FAXDC2: variants seen among roughly 807,000 people sequenced by gnomAD.
The protein encoded by FAXDC2 is fatty acid hydroxylase domain-containing protein 2.
Under a neutral mutation model 40.9 loss-of-function variants are expected in FAXDC2, and 41 were observed. The ratio of observed to expected loss-of-function variants is 1.00; its 90% CI spans 0.78 to 1.30. The LOEUF (loss-of-function observed/expected upper bound fraction) is 1.30. FAXDC2 is among the 50% of genes most tolerant of loss of function. FAXDC2 has a pLI of 0.00. For missense variants in FAXDC2, 390 were observed against 408.8 expected (o/e 0.95, Z 0.40); for synonymous variants, 157 against 149.3 (o/e 1.05, Z -0.38).
intron 5 of FAXDC2, among the ~76,000 whole-genome samples, chr5:154,825,988 C>T (rs151150276): frequency 1.2e-3 from 180 of 152,166 alleles, no homozygotes; most frequent in African/African-American, 4.3e-3. Flanking sequence ...TTAGTATCCA[C>T]GTGGAGATGT....
Position 154,820,522 on chromosome 5 carries a change from C to A in FAXDC2, c.846-50G>T, listed in dbSNP as rs367841364. Reference sequence around the variant, plus strand: ...AGTGCCCATGCTGGAGGCTTCCGTGCAGATCCCATTTCATTTGTGCCAGCC... The same window carrying A: ...AGTGCCCATGCTGGAGGCTTCCGTGAAGATCCCATTTCATTTGTGCCAGCC... On this transcript the variant is annotated intron_variant, in intron 8 of 8. Coordinates refer to ENST00000326080, the MANE Select transcript of FAXDC2 (RefSeq NM_032385.5). The A allele has an allele frequency of 2.8e-4, 410 of 1,490,838 alleles. 2 individuals are homozygous for A. The highest frequency in any genetic ancestry group is 3.3e-4 in the Non-Finnish European group (366 of 1,096,234). The allele number at this position is 1,490,838 out of a possible 1,614,324, so 92.4% of individuals were successfully genotyped here. A position where few individuals can be genotyped will look rare whatever the true frequency, so the allele number is the denominator to read the frequency against.
At chr5:154,845,204 G>A (rs1450162269) in intron 1 of FAXDC2, among the ~76,000 whole-genome samples, 1 of 152,136 alleles carries the variant, frequency 6.6e-6, no homozygotes, top group Non-Finnish European at 1.5e-5. Context: ...CTCTCTGCCC[G>A]CCTGCAGACA....
Position 154,822,543 on chromosome 5 carries a change from G to A in FAXDC2, c.607C>T (p.His203Tyr). The A allele has an allele frequency of 6.2e-7, 1 of 1,614,096 alleles. No individual in the cohort carries two copies. ...LHHPTFYKKI[H>Y]KKHHEWTAPI... is the part of the protein sequence containing the mutation. Reference sequence around the variant, plus strand: ...GCTGTCCACTCATGGTGTTTCTTGTGGATTTTCTTGTAGAATGTTGGGTGG... The same window carrying A: ...GCTGTCCACTCATGGTGTTTCTTGTAGATTTTCTTGTAGAATGTTGGGTGG... The change falls in exon 7 of 9, where the codon CAC becomes TAC. Residue 203 changes from histidine (H) to tyrosine (Y), a missense_variant. Transcript: ENST00000326080.
chr5:154,834,451 T>A (rs945578487), intron 4 of FAXDC2, among the ~76,000 whole-genome samples, 174 bp downstream of exon 4: 1 of 152,238 alleles, frequency 6.6e-6, no homozygotes, highest in African/African-American at 2.4e-5. Flanking sequence ...ACATCCTGTT[T>A]TCAGACTGCC....
chr5:154,848,738 G>A (rs572583834), intron 1 of FAXDC2, among the ~76,000 whole-genome samples: 1 of 152,302 alleles, frequency 6.6e-6, no homozygotes, highest in Non-Finnish European at 1.5e-5. Context: ...AGGCCGAGGT[G>A]GGCAGATCAC....
At chr5:154,844,204 T>C (rs1760543669) in intron 1 of FAXDC2, among the ~76,000 whole-genome samples, 1 of 148,154 alleles carries the variant, frequency 6.7e-6, no homozygotes, top group African/African-American at 2.5e-5. Context: ...GGCAACAGAG[T>C]GAGACTCTGT....
intron 5 of FAXDC2, chr5:154,824,425 G>T: frequency 1.4e-6 from 1 of 695,538 alleles, no homozygotes; most frequent in South Asian, 1.5e-5. Flanking sequence ...CCCAAAGCGC[G>T]ACAGGTTCAG....
intron 1 of FAXDC2, 198 bp from the exon 2 acceptor site, chr5:154,838,376 A>T (rs1210583803): frequency 6.4e-6 from 1 of 155,792 alleles, no homozygotes; most frequent in African/African-American, 2.4e-5. Flanking sequence ...AGCTAGAAAA[A>T]TGCCAGAAAA....
At chr5:154,827,662 A>G (rs1760076764) in intron 5 of FAXDC2, among the ~76,000 whole-genome samples, 1 of 151,850 alleles carries the variant, frequency 6.6e-6, no homozygotes. Flanking sequence ...CAGCCTCCCA[A>G]GTAGCTAGGA....
At chr5:154,823,648 C>G in intron 5 of FAXDC2, 56 bp from the exon 6 acceptor site, 3 of 1,433,504 alleles carry the variant, frequency 2.1e-6, no homozygotes, top group Non-Finnish European at 2.9e-6. Context: ...TAGGCTCCAC[C>G]GTGACCTGCT....
At chr5:154,826,453 C>T (rs181063038) in intron 5 of FAXDC2, among the ~76,000 whole-genome samples, 3 of 150,906 alleles carry the variant, frequency 2.0e-5, no homozygotes, top group Non-Finnish European at 2.9e-5. Flanking sequence ...CGCTTGAACC[C>T]GGGAGACAGA....
intron 5 of FAXDC2, among the ~76,000 whole-genome samples, chr5:154,825,168 T>G (rs1250152367): frequency 7.7e-6 from 1 of 129,238 alleles, no homozygotes. Flanking sequence ...ATTGAGACCA[T>G]CCTGGCTAAC....
At chr5:154,825,295 C>T (rs1238365819) in intron 5 of FAXDC2, among the ~76,000 whole-genome samples, 19 of 133,464 alleles carry the variant, frequency 1.4e-4, no homozygotes, top group South Asian at 9.8e-4. Context: ...ATCCGGGAGG[C>T]GGAGGTTGTA....
intron 5 of FAXDC2, chr5:154,824,197 G>A (rs1168412636): frequency 6.8e-6 from 3 of 443,756 alleles, no homozygotes; most frequent in East Asian, 4.1e-5. Context: ...AGGGTCCACT[G>A]TACAGAGCTG....
At chr5:154,839,480 C>CA (rs1760430963) in intron 1 of FAXDC2, among the ~76,000 whole-genome samples, 1 of 149,400 alleles carries the variant, frequency 6.7e-6, no homozygotes. Flanking sequence ...CCTGTCTCTA[C>CA]AAAAAATAAA....
rs1402711778 is a variant in FAXDC2 at position 154,818,767 on chromosome 5, C to T, written c.*1549G>A. On this transcript the variant is annotated 3_prime_UTR_variant, in exon 9 of 9. Coordinates refer to ENST00000326080, the MANE Select transcript of FAXDC2 (RefSeq NM_032385.5). Reference sequence around the variant, plus strand: ...ATCTGTTCTTTCTCCTTATCTCCTACCCTTCTCTTTAAGCATATTGAAGAT... The same window carrying T: ...ATCTGTTCTTTCTCCTTATCTCCTATCCTTCTCTTTAAGCATATTGAAGAT... 1 of 152,248 alleles carries T rather than the reference C, an allele frequency of 6.6e-6. No homozygotes were observed. Among genetic ancestry groups the T allele is most frequent in the African/African-American group, 2.4e-5 (1 of 41,446 alleles). 9.4% of individuals were successfully genotyped at this position (152,248 alleles called of 1,614,324 possible). A position where few individuals can be genotyped will look rare whatever the true frequency, so the allele number is the denominator to read the frequency against.
chr5:154,842,307 C>A (rs1157375756), intron 1 of FAXDC2, among the ~76,000 whole-genome samples: 1 of 151,922 alleles, frequency 6.6e-6, no homozygotes, highest in Non-Finnish European at 1.5e-5. Context: ...AAGCAATTCT[C>A]CTGCCTCAGC....
At chr5:154,823,619 T>C (rs779521999) in intron 5 of FAXDC2, 27 bp from the exon 6 acceptor site, 3 of 1,588,726 alleles carry the variant, frequency 1.9e-6, no homozygotes, top group African/African-American at 2.7e-5. Flanking sequence ...AGGAGGGAGA[T>C]GGATAAGAGT....
chr5:154,824,137 G>T, intron 5 of FAXDC2: 2 of 271,148 alleles, frequency 7.4e-6, no homozygotes, highest in Non-Finnish European at 1.4e-5. Flanking sequence ...CAACTTGCTG[G>T]TTTTCACAGT....
Sources: gnomAD v4.1 joint callset for allele counts (sites outside exome capture counted in the v4.1 genomes callset) on GRCh38, gnomAD v4.1.1 for gene constraint, MANE v1.5 for transcripts, NCBI Gene and HGNC (gene_info 2026-07-23, HGNC 2026-07-21) for gene names.